Variants in SGCZ observed in about 807,000 individuals in gnomAD.
SGCZ encodes zeta-sarcoglycan.
Under a neutral mutation model 41.3 loss-of-function variants are expected in SGCZ, and 40 were observed. That is an observed-to-expected ratio of 0.97 (90% confidence interval 0.75 to 1.26). The LOEUF (loss-of-function observed/expected upper bound fraction) is 1.26, where lower values mean the gene tolerates loss of function less well. Ranked by LOEUF, SGCZ falls within the 50% of genes most tolerant of loss-of-function variation. The pLI, the probability that SGCZ is intolerant of heterozygous loss-of-function variation, is 0.00. For synonymous variants in SGCZ, 206 were observed against 137.5 expected (o/e 1.50, Z -3.49); for missense variants, 552 against 369.8 (o/e 1.49, Z -4.04).
At chr8:14,385,646 G>C (rs1392834848) in intron 2 of SGCZ, among the ~76,000 whole-genome samples, 1 of 152,062 alleles carries the variant, frequency 6.6e-6, no homozygotes, top group Non-Finnish European at 1.5e-5. Flanking sequence ...CAGTGATTTT[G>C]TAACTTATAC....
chr8:14,479,022 G>C (rs1279427578), intron 2 of SGCZ, among the ~76,000 whole-genome samples: 2 of 152,194 alleles, frequency 1.3e-5, no homozygotes, highest in African/African-American at 2.4e-5. Flanking sequence ...GTTGTATTCG[G>C]GTTCTCCAGC....
At chr8:14,567,374 T>C (rs374885446) in intron 1 of SGCZ, among the ~76,000 whole-genome samples, 8 of 152,160 alleles carry the variant, frequency 5.3e-5, no homozygotes, top group African/African-American at 1.9e-4. Flanking sequence ...GCACTCTGTA[T>C]CTAGCTCAAG....
At chr8:14,420,784 T>C (rs975826650) in intron 2 of SGCZ, among the ~76,000 whole-genome samples, 17 of 152,150 alleles carry the variant, frequency 1.1e-4, no homozygotes, top group Admixed American at 7.9e-4. Flanking sequence ...TATCACTTCT[T>C]TTCCCACTTA....
intron 1 of SGCZ, among the ~76,000 whole-genome samples, chr8:15,227,865 C>A (rs1198659330): frequency 6.6e-6 from 1 of 152,158 alleles, no homozygotes; most frequent in Non-Finnish European, 1.5e-5. Flanking sequence ...AAATTACACT[C>A]TGAGCATGTT....
At chr8:14,377,114 C>A (rs1051683205) in intron 2 of SGCZ, among the ~76,000 whole-genome samples, 1 of 152,112 alleles carries the variant, frequency 6.6e-6, no homozygotes, top group Non-Finnish European at 1.5e-5. Context: ...GCAAGAAGAA[C>A]GAACAATATA....
intron 1 of SGCZ, among the ~76,000 whole-genome samples, chr8:14,818,877 G>C (rs1275937667): frequency 6.6e-6 from 1 of 151,742 alleles, no homozygotes; most frequent in Non-Finnish European, 1.5e-5. Context: ...CTAGTGATGG[G>C]GGCAAATAAA....
intron 2 of SGCZ, among the ~76,000 whole-genome samples, chr8:14,474,768 C>A (rs554881186): frequency 1.3e-5 from 2 of 152,250 alleles, no homozygotes; most frequent in Admixed American, 6.5e-5. Flanking sequence ...AATTACTTGT[C>A]CTTGACAAAA....
At chr8:14,442,951 C>T (rs1800315784) in intron 2 of SGCZ, among the ~76,000 whole-genome samples, 1 of 152,130 alleles carries the variant, frequency 6.6e-6, no homozygotes, top group East Asian at 1.9e-4. Context: ...TGATAAGCAA[C>T]TTCAGCAAAG....
intron 3 of SGCZ, among the ~76,000 whole-genome samples, chr8:14,292,839 T>C (rs1465569824): frequency 6.6e-6 from 1 of 152,010 alleles, no homozygotes; most frequent in Non-Finnish European, 1.5e-5. Context: ...TTATGTTACA[T>C]AGAGTAATCC....
At chr8:14,473,452 T>G (rs1193366163) in intron 2 of SGCZ, among the ~76,000 whole-genome samples, 3 of 152,112 alleles carry the variant, frequency 2.0e-5, no homozygotes, top group Non-Finnish European at 4.4e-5. Context: ...GAATAAATAT[T>G]AGGCAAGAAA....
At chr8:14,871,824 G>GTGTA (rs1563328979) in intron 1 of SGCZ, among the ~76,000 whole-genome samples, 2 of 147,650 alleles carry the variant, frequency 1.4e-5, no homozygotes, top group African/African-American at 2.5e-5. Context: ...ATATGTGTGT[G>GTGTA]TATATATATA....
intron 1 of SGCZ, among the ~76,000 whole-genome samples, chr8:14,557,140 G>C (rs1393466806): frequency 6.6e-6 from 1 of 151,956 alleles, no homozygotes; most frequent in South Asian, 2.1e-4. Flanking sequence ...AGGTAGTAAG[G>C]TGGTATTGCA....
At chr8:14,957,481 A>C (rs928535253) in intron 1 of SGCZ, among the ~76,000 whole-genome samples, 1 of 152,010 alleles carries the variant, frequency 6.6e-6, no homozygotes, top group African/African-American at 2.4e-5. Context: ...ATAGATTTTG[A>C]CATAGATGCA....
chr8:14,876,411 G>C (rs1360344937), intron 1 of SGCZ, among the ~76,000 whole-genome samples: 4 of 152,200 alleles, frequency 2.6e-5, no homozygotes, highest in African/African-American at 9.6e-5. Context: ...AACACCTCAA[G>C]TCAATTACGT....
chr8:15,052,543 T>G (rs1157857138), intron 1 of SGCZ, among the ~76,000 whole-genome samples: 4 of 152,056 alleles, frequency 2.6e-5, no homozygotes, highest in Non-Finnish European at 4.4e-5. Flanking sequence ...GTTCTAACGC[T>G]CCTTCCTTGA....
At chr8:15,180,608 G>T (rs930399008) in intron 1 of SGCZ, among the ~76,000 whole-genome samples, 11 of 151,980 alleles carry the variant, frequency 7.2e-5, no homozygotes, top group Admixed American at 1.3e-4. Flanking sequence ...GGGAAAGGCT[G>T]GGCATGGTGA....
intron 4 of SGCZ, among the ~76,000 whole-genome samples, chr8:14,195,827 A>T (rs1219226142): frequency 6.6e-6 from 1 of 152,168 alleles, no homozygotes; most frequent in Non-Finnish European, 1.5e-5. Flanking sequence ...CCATCAAAGT[A>T]AGTGAAAAAG....
In SGCZ at chr8:14,920,477, A is replaced by G. The variant is rs575629316; in HGVS notation, c.39+317108T>C. ...TTAATGGAGTTGGGATAATAAAAAC[A>G]TAGGAAGTCACACATCCAATAAAAA... On this transcript the variant is annotated intron_variant, in intron 1 of 7. Coordinates refer to ENST00000382080, the MANE Select transcript of SGCZ (RefSeq NM_139167.4). 6.6e-5 allele frequency among the ~76,000 whole-genome samples: 10 copies of G among 152,352 alleles called. No homozygotes were observed. In the East Asian group the frequency reaches 1.3e-3, roughly 21 times the overall value.
chr8:15,007,178 G>C (rs1802635860), intron 1 of SGCZ, among the ~76,000 whole-genome samples: 1 of 152,094 alleles, frequency 6.6e-6, no homozygotes, highest in South Asian at 2.1e-4. Context: ...CCATTATATA[G>C]TTAATCCCAA....
Sources: gnomAD v4.1 joint callset for allele counts (sites outside exome capture counted in the v4.1 genomes callset) on GRCh38, gnomAD v4.1.1 for gene constraint, MANE v1.5 for transcripts, NCBI Gene and HGNC (gene_info 2026-07-23, HGNC 2026-07-21) for gene names.